OTUD4: variants seen among roughly 807,000 people sequenced by gnomAD.
OTUD4 encodes the protein OTU domain-containing protein 4.
In OTUD4, 24 loss-of-function variants were observed where a neutral mutation model predicts 130.4. The ratio of observed to expected loss-of-function variants is 0.18; its 90% CI spans 0.13 to 0.26. OTUD4 has a LOEUF of 0.26. Ranked by LOEUF, OTUD4 falls within the 10% of genes least tolerant of loss-of-function variation. OTUD4 has a pLI of 1.00. For missense variants in OTUD4, 1,031 were observed against 1,329.4 expected, an observed-to-expected ratio of 0.78 and a Z score of 3.49; for synonymous variants, 420 against 472.5, an observed-to-expected ratio of 0.89 and a Z score of 1.44.
chr4:145,146,230 C>G (rs753720653), intron 14 of OTUD4, 37 bp downstream of exon 14: 2 of 1,380,136 alleles, frequency 1.4e-6, no homozygotes, highest in Non-Finnish European at 1.9e-6. Context: ...AGAGAAACTT[C>G]TGTATAATGA....
chr4:145,159,273 C>T (rs1411824177), intron 7 of OTUD4: 29 of 1,328,770 alleles, frequency 2.2e-5, no homozygotes, highest in African/African-American at 3.0e-5. Flanking sequence ...AGATTGCAGA[C>T]GTAAATTCTC....
At position 145,155,701 on chromosome 4, in the gene OTUD4, G is replaced by C. The variant is rs1199692065; in HGVS notation, c.691-15C>G. 6.6e-7 allele frequency: 1 copy of C among 1,514,140 alleles called. No individual in the cohort carries two copies. The highest frequency in any genetic ancestry group is 9.1e-7 in the Non-Finnish European group (1 of 1,101,538). The allele number at this position is 1,514,140 out of a possible 1,614,324, so 93.8% of individuals were successfully genotyped here. ...TTCTTCAGCTGCTAAACAAAGTCAG[G>C]AAGTCCAATCAACACATAAGTGCTT... On this transcript the variant is annotated splice_polypyrimidine_tract_variant and intron_variant, in intron 8 of 20. Coordinates refer to ENST00000447906, the MANE Select transcript of OTUD4 (RefSeq NM_001366057.1).
intron 8 of OTUD4, 83 bp downstream of exon 8, chr4:145,155,852 GA>G: frequency 8.2e-7 from 1 of 1,221,834 alleles, no homozygotes; most frequent in East Asian, 2.4e-5. Flanking sequence ...AAATGTACCA[GA>G]AAAAAGAAAA....
At position 145,155,993 on chromosome 4, in the gene OTUD4, A is replaced by G. The variant is rs1200197415; in HGVS notation, c.633T>C (p.Ser211=). ...CATCAGCAGCAGCAGCAGCAGTCTT[A>G]CTCCTACAAAGAAAGATAACCATAA... The part of the protein sequence containing the change: ...ISDSEDDSCK[S]KTAAAAADVN... The change falls in exon 8 of 21, where the codon AGT becomes AGC. Residue 211 remains serine, a synonymous_variant. Transcript: ENST00000447906. 6.2e-7 allele frequency: 1 copy of G among 1,609,170 alleles called. No homozygotes were observed. Among genetic ancestry groups the G allele is most frequent in the Non-Finnish European group, 8.5e-7 (1 of 1,178,010 alleles).
At chr4:145,179,117 G>C (rs914328058) in intron 1 of OTUD4, among the ~76,000 whole-genome samples, 4 of 152,068 alleles carry the variant, frequency 2.6e-5, no homozygotes, top group African/African-American at 9.7e-5. Context: ...TTAGAAAATG[G>C]TTTTGAAAAG....
intron 1 of OTUD4, among the ~76,000 whole-genome samples, chr4:145,175,860 C>G (rs1464462005): frequency 6.6e-6 from 1 of 151,574 alleles, no homozygotes; most frequent in East Asian, 1.9e-4. Flanking sequence ...ACAACTATTT[C>G]TTATCCAATG....
chr4:145,142,377 A>G (rs975706293), intron 17 of OTUD4, 43 bp from the exon 18 acceptor site: 1 of 1,590,440 alleles, frequency 6.3e-7, no homozygotes, highest in Admixed American at 1.7e-5. Flanking sequence ...AAAAGACAAG[A>G]GGTCATTTTG....
intron 17 of OTUD4, among the ~76,000 whole-genome samples, chr4:145,142,595 A>T (rs531361231): frequency 6.6e-6 from 1 of 152,388 alleles, no homozygotes; most frequent in African/African-American, 2.4e-5. Flanking sequence ...CCTGTTGCCC[A>T]GGCTAGTCTC....
At chr4:145,168,013 A>G (rs914390698) in intron 3 of OTUD4, among the ~76,000 whole-genome samples, 2 of 152,164 alleles carry the variant, frequency 1.3e-5, no homozygotes, top group African/African-American at 2.4e-5. Context: ...CAGTGTCAGT[A>G]TTAAATTATT....
Position 145,155,924 on chromosome 4 carries a change from T to TA in OTUD4, c.690+11dup, listed in dbSNP as rs546012681. 2.1e-5 allele frequency: 34 copies of TA among 1,593,300 alleles called. No homozygotes were observed. Among genetic ancestry groups the TA allele is most frequent in the Admixed American group, 3.6e-5 (2 of 56,276 alleles). On this transcript the variant is annotated intron_variant, in intron 8 of 20. Coordinates refer to ENST00000447906, the MANE Select transcript of OTUD4 (RefSeq NM_001366057.1). ...AAAGAACTACATTTAAAACCACTTT[T>TA]AAAAAAAATACCTCATTGCCTGACA...
chr4:145,141,432 C>T lies in OTUD4; in HGVS notation c.2030G>A (p.Arg677Gln), dbSNP rs1469135491. The T allele has an allele frequency of 1.7e-5, 28 of 1,613,444 alleles. No homozygotes were observed. The highest frequency in any genetic ancestry group is 2.3e-5 in the Non-Finnish European group (27 of 1,179,706). The change falls in exon 19 of 21, where the codon CGA (arginine) becomes CAA (glutamine). Residue 677 changes from arginine (R) to glutamine (Q), a missense_variant. Around this residue, in one of 3 missense-constraint regions of OTUD4, gnomAD observed 900 missense variants for 1,095.9 expected, o/e 0.82. Coordinates refer to ENST00000447906, the MANE Select transcript of OTUD4 (RefSeq NM_001366057.1). Reference sequence around the variant, plus strand: ...CAGTGAATAAGGTGGTACAATGGCTCGATCTCCCTTTTCATTACAAGGAAA... The same window carrying T: ...CAGTGAATAAGGTGGTACAATGGCTTGATCTCCCTTTTCATTACAAGGAAA... ...PGFPCNEKGD[R>Q]AIVPPYSLCQ...
chr4:145,159,418 G>T, intron 7 of OTUD4, 85 bp downstream of exon 7: 1 of 1,582,544 alleles, frequency 6.3e-7, no homozygotes. Flanking sequence ...ATATGTTATA[G>T]AAAGACATTT....
At chr4:145,153,299 G>C (rs543523209) in intron 10 of OTUD4, among the ~76,000 whole-genome samples, 1 of 152,286 alleles carries the variant, frequency 6.6e-6, no homozygotes, top group East Asian at 1.9e-4. Flanking sequence ...GCAGGGCTGT[G>C]GCCCCACATA....
intron 11 of OTUD4, among the ~76,000 whole-genome samples, chr4:145,151,264 G>A (rs1017103483): frequency 6.6e-6 from 1 of 152,176 alleles, no homozygotes; most frequent in Non-Finnish European, 1.5e-5. Context: ...TGGAGAAATG[G>A]TGTGATGTTT....
At chr4:145,171,633 T>C in intron 3 of OTUD4, 37 bp downstream of exon 3, 1 of 881,380 alleles carries the variant, frequency 1.1e-6, no homozygotes. Context: ...TATTTGGATA[T>C]ATAAAAATAG....
chr4:145,179,960 A>G lies in OTUD4; in HGVS notation c.14T>C (p.Val5Ala). 1 of 1,519,502 alleles carries G rather than the reference A, an allele frequency of 6.6e-7. No homozygotes were observed. Among genetic ancestry groups the G allele is most frequent in the Non-Finnish European group, 8.8e-7 (1 of 1,140,950 alleles). 94.1% of individuals were successfully genotyped at this position (1,519,502 alleles called of 1,614,324 possible). The change falls in exon 1 of 21, where the codon GTC (valine) becomes GCC (alanine). Residue 5 changes from valine (V) to alanine (A), a missense_variant. Val to Ala is a moderately conservative substitution (Grantham distance 64). Around this residue, in one of 3 missense-constraint regions of OTUD4, gnomAD observed 54 missense variants for 60.6 expected, o/e 0.89. Transcript: ENST00000447906. ...CTGGTCCCCGCCGTCGGGGACGCCG[A>G]CGGCAGCCTCCATGTTGCTGGTCCT... MEAAVGVPDGGDQGG... is the reference protein window; with the variant it reads MEAAAGVPDGGDQGG...
chr4:145,179,414 T>C (rs1752580390), intron 1 of OTUD4, among the ~76,000 whole-genome samples: 1 of 152,176 alleles, frequency 6.6e-6, no homozygotes, highest in African/African-American at 2.4e-5. Flanking sequence ...CCACTTCTAG[T>C]AAACACTTGG....
chr4:145,150,264 A>G (rs888382627), intron 13 of OTUD4, among the ~76,000 whole-genome samples: 2 of 152,242 alleles, frequency 1.3e-5, no homozygotes, highest in Non-Finnish European at 2.9e-5. Flanking sequence ...GGGCTAGAAT[A>G]AGATCTCCCA....
At chr4:145,155,303 G>T in intron 10 of OTUD4, 108 bp downstream of exon 10, 2 of 846,042 alleles carry the variant, frequency 2.4e-6, no homozygotes, top group East Asian at 2.5e-5. Flanking sequence ...AATATATTCT[G>T]AAATCCCAAA....
Sources: gnomAD v4.1 joint callset for allele counts (sites outside exome capture counted in the v4.1 genomes callset) on GRCh38, gnomAD v4.1.1 for gene constraint, gnomAD v4.1.1 regional missense constraint, MANE v1.5 for transcripts, NCBI Gene and HGNC (gene_info 2026-07-23, HGNC 2026-07-21) for gene names.